Variants in LARP1B observed in about 807,000 individuals in gnomAD.
The protein encoded by LARP1B is La ribonucleoprotein 1B, also known as la-related protein 1B.
In LARP1B, 76 loss-of-function variants were observed where a neutral mutation model predicts 114.2. That is an observed-to-expected ratio of 0.67 (90% CI 0.55 to 0.81). LARP1B has a LOEUF of 0.81. Among genes scored for constraint, LARP1B ranks in the 30% least tolerant of loss-of-function variants. The pLI, the probability that LARP1B is intolerant of heterozygous loss-of-function variation, is 0.00. For missense variants in LARP1B, 1,014 were observed against 1,075.8 expected (o/e 0.94, Z 0.80); for synonymous variants, 345 against 348.0 (o/e 0.99, Z 0.10).
At chr4:128,188,858 A>T (rs1221513369) in intron 15 of LARP1B, among the ~76,000 whole-genome samples, 1 of 152,156 alleles carries the variant, frequency 6.6e-6, no homozygotes, top group Non-Finnish European at 1.5e-5. Flanking sequence ...GCCAGAAAAG[A>T]TACTTGATAT....
At chr4:128,061,613 C>T in intron 1 of LARP1B, 1 of 919,868 alleles carries the variant, frequency 1.1e-6, no homozygotes, top group Non-Finnish European at 1.3e-6. Flanking sequence ...TGGAGCCGGC[C>T]GGTGTCCCGG....
intron 15 of LARP1B, among the ~76,000 whole-genome samples, chr4:128,186,065 C>A (rs1459484275): frequency 6.6e-6 from 1 of 152,080 alleles, no homozygotes; most frequent in South Asian, 2.1e-4. Flanking sequence ...TACCATGCTA[C>A]CTTGGTTACT....
intron 2 of LARP1B, 143 bp from the exon 3 acceptor site, chr4:128,074,790 CT>C (rs1352763945): frequency 1.7e-6 from 1 of 578,918 alleles, no homozygotes; most frequent in Non-Finnish European, 3.0e-6. Context: ...TTTGCAGAAA[CT>C]TTTTGATTAA....
Position 128,178,652 on chromosome 4 carries a change from A to C in LARP1B, c.1896+10A>C. The stretch of plus-strand genomic sequence containing the variant: ...AGCCATTGATGTAAAGGTATACAAA[A>C]CAACCAGGAATATAAGGCTTGCATT... On this transcript the variant is annotated intron_variant, in intron 14 of 19. Coordinates refer to ENST00000326639, the MANE Select transcript of LARP1B (RefSeq NM_018078.4). 6.3e-7 allele frequency: 1 copy of C among 1,590,664 alleles called. No individual in the cohort carries two copies. Among genetic ancestry groups the C allele is most frequent in the Non-Finnish European group, 8.6e-7 (1 of 1,159,360 alleles).
At chr4:128,101,243 G>A (rs1202924506) in intron 8 of LARP1B, among the ~76,000 whole-genome samples, 3 of 151,930 alleles carry the variant, frequency 2.0e-5, no homozygotes, top group Non-Finnish European at 4.4e-5. Flanking sequence ...GGAGGCCAAG[G>A]CCGATGGATC....
At chr4:128,204,982 A>G (rs1053245629) in intron 17 of LARP1B, among the ~76,000 whole-genome samples, 1 of 152,226 alleles carries the variant, frequency 6.6e-6, no homozygotes, top group African/African-American at 2.4e-5. Flanking sequence ...TGATGTCGGT[A>G]TATGATCCCA....
Position 128,077,942 on chromosome 4 carries a change from C to T in LARP1B, c.197C>T (p.Ser66Leu), listed in dbSNP as rs778533502. ...GENVSEDEAQSSNQRKRANKH... is the reference protein window; with the variant it reads ...GENVSEDEAQLSNQRKRANKH... Reference sequence around the variant, plus strand: ...AACGTCAGTGAGGATGAGGCTCAGTCAAGTAATCAACGTAAGAGAGGTCAG... The same window carrying T: ...AACGTCAGTGAGGATGAGGCTCAGTTAAGTAATCAACGTAAGAGAGGTCAG... The change falls in exon 4 of 20, where the codon TCA becomes TTA. Residue 66 changes from serine to leucine, a missense_variant. Ser to Leu is a moderately radical substitution (Grantham distance 145). Coordinates refer to ENST00000326639, the MANE Select transcript of LARP1B (RefSeq NM_018078.4). 1.3e-5 allele frequency: 21 copies of T among 1,601,728 alleles called. No homozygotes were observed. Among genetic ancestry groups the T allele is most frequent in the Non-Finnish European group, 1.7e-5 (20 of 1,176,634 alleles).
chr4:128,118,964 T>C (rs538008941), intron 10 of LARP1B, among the ~76,000 whole-genome samples: 111 of 150,472 alleles, frequency 7.4e-4, no homozygotes, highest in African/African-American at 2.5e-3. Context: ...CACTGTAACC[T>C]CCGCCTCCCA....
chr4:128,128,567 A>G (rs6815163), intron 11 of LARP1B, among the ~76,000 whole-genome samples: 98,871 of 152,036 alleles, frequency 0.65, 32,455 homozygotes, highest in Middle Eastern at 0.82. Context: ...ATAATGTATT[A>G]ATTATTATAC....
In LARP1B at chr4:128,120,357, T is replaced by G. The variant is rs143050562; in HGVS notation, c.1162-1469T>G. Among the ~76,000 whole-genome samples, 189 of 152,284 alleles carry G rather than the reference T, an allele frequency of 1.2e-3. 1 individual carries two copies. The highest frequency in any genetic ancestry group is 4.4e-3 in the African/African-American group (181 of 41,554). ...AATGTAACACCAAGTAGAAACTACT[T>G]CCTTCTGTTGGGAGTTTTAAACTAG... On this transcript the variant is annotated intron_variant, in intron 10 of 19. Coordinates refer to ENST00000326639, the MANE Select transcript of LARP1B (RefSeq NM_018078.4).
intron 11 of LARP1B, among the ~76,000 whole-genome samples, chr4:128,144,178 G>T (rs1467786584): frequency 6.6e-6 from 1 of 152,122 alleles, no homozygotes; most frequent in Non-Finnish European, 1.5e-5. Flanking sequence ...ACCCAGTTGA[G>T]AACCACAGAA....
At chr4:128,078,558 G>A (rs1768922785) in intron 4 of LARP1B, among the ~76,000 whole-genome samples, 1 of 150,632 alleles carries the variant, frequency 6.6e-6, no homozygotes, top group South Asian at 2.1e-4. Flanking sequence ...CCGAGGTCGC[G>A]CCATTGCACT....
At chr4:128,096,999 A>G (rs1321356180) in intron 7 of LARP1B, among the ~76,000 whole-genome samples, 1 of 150,840 alleles carries the variant, frequency 6.6e-6, no homozygotes, top group Non-Finnish European at 1.5e-5. Flanking sequence ...CCTGGGTGCA[A>G]TTGATTCTCC....
At chr4:128,066,159 TTTC>T (rs1463934338) in intron 1 of LARP1B, among the ~76,000 whole-genome samples, 1 of 128,664 alleles carries the variant, frequency 7.8e-6, no homozygotes, top group African/African-American at 2.8e-5. Flanking sequence ...ATTTTCTTTC[TTTC>T]TTCTTTTTTT....
intron 15 of LARP1B, among the ~76,000 whole-genome samples, chr4:128,181,056 T>G (rs2150687300): frequency 6.6e-6 from 1 of 152,332 alleles, no homozygotes; most frequent in East Asian, 1.9e-4. Context: ...ATTTGGGTCT[T>G]TCTTTGCTTT....
At chr4:128,163,308 A>G (rs1485306587) in intron 12 of LARP1B, among the ~76,000 whole-genome samples, 1 of 152,116 alleles carries the variant, frequency 6.6e-6, no homozygotes, top group Non-Finnish European at 1.5e-5. Flanking sequence ...GTCCTGAATT[A>G]TCTATAACTG....
chr4:128,085,988 T>C (rs1375483485), intron 5 of LARP1B, among the ~76,000 whole-genome samples: 3 of 151,274 alleles, frequency 2.0e-5, no homozygotes, highest in Non-Finnish European at 4.4e-5. Context: ...TGGATTTGGC[T>C]GATTGCTTTG....
intron 3 of LARP1B, 68 bp downstream of exon 3, chr4:128,075,061 T>C: frequency 9.7e-7 from 1 of 1,030,122 alleles, no homozygotes; most frequent in South Asian, 1.4e-5. Context: ...ATGCAGAATT[T>C]TATTTTACTT....
rs1381819737 is a variant in LARP1B, at chr4:128,091,390, G to C, written c.546G>C (p.Arg182Ser). Residue 182 changes from arginine to serine, a missense_variant, in exon 7 of 20, where the codon AGG (arginine) becomes AGC (serine). Physicochemically the swap from Arg to Ser is moderately radical, Grantham distance 110 (BLOSUM62 -1). Transcript: ENST00000326639. ...YSYGYQEHGE[R>S]TDQPFQTELN... The stretch of plus-strand genomic sequence containing the variant: ...ATGGTTATCAAGAACATGGTGAAAG[G>C]ACTGATCAACCATTTCAAACAGAAC... 6.2e-7 allele frequency: 1 copy of C among 1,612,798 alleles called. No individual in the cohort carries two copies. The highest frequency in any genetic ancestry group is 2.2e-5 in the East Asian group (1 of 44,840).
Sources: allele counts gnomAD v4.1 joint callset (sites outside exome capture counted in the v4.1 genomes callset), GRCh38; gene constraint gnomAD v4.1.1; transcripts MANE v1.5; gene names NCBI Gene and HGNC (gene_info 2026-07-23, HGNC 2026-07-21).